The following ZNF729 variants were observed in gnomAD, a reference collection of about 807,000 sequenced individuals.
ZNF729 encodes zinc finger protein 729.
In ZNF729, 15 loss-of-function variants were observed where a neutral mutation model predicts 12.2. The ratio of observed to expected loss-of-function variants is 1.23; its 90% CI spans 0.82 to 1.89. ZNF729 has a LOEUF of 1.89. ZNF729 is among the 40% of genes most tolerant of loss of function. The pLI is 0.00. For synonymous variants in ZNF729, 492 were observed against 476.3 expected (o/e 1.03, Z -0.43); for missense variants, 1,540 against 1,456.7 (o/e 1.06, Z -0.93).
Position 22,314,055 on chromosome 19 carries a change from G to A in ZNF729, c.638G>A (p.Arg213His), listed in dbSNP as rs1001979167. 9.1e-6 allele frequency: 14 copies of A among 1,542,694 alleles called. No homozygotes were observed. The highest frequency in any genetic ancestry group is 1.7e-4 in the Middle Eastern group (1 of 5,958). The change falls in exon 4 of 4, where the codon CGT (arginine) becomes CAT (histidine). Residue 213 changes from arginine (R) to histidine (H), a missense_variant. Arg to His is a conservative substitution (Grantham distance 29, BLOSUM62 0). Transcript: ENST00000601693. Reference protein sequence around the residue: ...IRQNIYKCEERGKAFKSFSTL... With the variant: ...IRQNIYKCEEHGKAFKSFSTL... The stretch of plus-strand genomic sequence containing the variant: ...CAGAATATCTACAAATGTGAAGAAC[G>A]TGGCAAAGCCTTTAAATCGTTCTCA...
chr19:22,310,345 G>A (rs554530304), intron 3 of ZNF729, among the ~76,000 whole-genome samples: 10 of 152,078 alleles, frequency 6.6e-5, no homozygotes, highest in Non-Finnish European at 1.3e-4. Flanking sequence ...GTTTGTCATA[G>A]ATGGCTTTTA....
chr19:22,314,303 G>A lies in ZNF729; in HGVS notation c.886G>A (p.Glu296Lys). The part of the protein sequence containing the change: ...HTGEKTYKCE[E>K]CGKAFKGSSN... ...TGGAGAGAAAACCTACAAATGTGAA[G>A]AATGTGGCAAAGCTTTTAAGGGGTC... The change falls in exon 4 of 4, where the codon GAA (glutamate) becomes AAA (lysine). Residue 296 changes from glutamate (E) to lysine (K), a missense_variant. Coordinates refer to ENST00000601693, the MANE Select transcript of ZNF729 (RefSeq NM_001242680.2). 6.2e-7 allele frequency: 1 copy of A among 1,610,644 alleles called. No homozygotes were observed.
rs1968348608 is a variant in ZNF729 at position 22,304,022 on chromosome 19, A to G, written c.157+138A>G. 16 of 794,808 alleles carry G rather than the reference A, an allele frequency of 2.0e-5. No homozygotes were observed. In the South Asian group the frequency reaches 3.2e-4, roughly 16 times the overall value. 49.2% of individuals were successfully genotyped at this position (794,808 alleles called of 1,614,324 possible). ...TGTTTTCTGGAAACAGGGATTTATAAGTGTAGAAAGGAATTTTTTTTTTTT... is the reference window on the plus strand; with the variant it reads ...TGTTTTCTGGAAACAGGGATTTATAGGTGTAGAAAGGAATTTTTTTTTTTT... On this transcript the variant is annotated intron_variant, in intron 2 of 3. Transcript: ENST00000601693.
Position 22,315,055 on chromosome 19 carries a change from T to A in ZNF729, c.1638T>A (p.Cys546Ter). ...IIHTGEKPYK[C>*]EECGKAFKWS... The stretch of plus-strand genomic sequence containing the variant: ...ATACTGGAGAGAAACCCTACAAATG[T>A]GAAGAATGTGGTAAAGCTTTTAAGT... The change falls in exon 4 of 4, where the codon TGT becomes TGA. Residue 546 changes from cysteine to a stop codon, truncating the protein, a stop_gained. Coordinates refer to ENST00000601693, the MANE Select transcript of ZNF729 (RefSeq NM_001242680.2). LOFTEE classifies it low-confidence loss of function (END_TRUNC). 2.5e-6 allele frequency: 4 copies of A among 1,611,362 alleles called. No homozygotes were observed. Among genetic ancestry groups the A allele is most frequent in the Non-Finnish European group, 3.4e-6 (4 of 1,179,750 alleles).
At position 22,315,888 on chromosome 19, in the gene ZNF729, G is replaced by T; in HGVS notation, c.2471G>T (p.Cys824Phe). ...GTAATTCATACTGGAGAGAAACCCT[G>T]CAAATGTGAAGAATGTGGCAAAGCT... Reference protein sequence around the residue: ...HKVIHTGEKPCKCEECGKAFK... With the variant: ...HKVIHTGEKPFKCEECGKAFK... The change falls in exon 4 of 4, where the codon TGC (cysteine) becomes TTC (phenylalanine). Residue 824 changes from cysteine to phenylalanine, a missense_variant. By Grantham distance (205) the Cys-to-Phe change is radical. Transcript: ENST00000601693. 1 of 1,605,014 alleles carries T rather than the reference G, an allele frequency of 6.2e-7. No individual in the cohort carries two copies. The highest frequency in any genetic ancestry group is 8.5e-7 in the Non-Finnish European group (1 of 1,177,308).
At chr19:22,297,119 G>A (rs1235681448) in intron 1 of ZNF729, among the ~76,000 whole-genome samples, 1 of 152,082 alleles carries the variant, frequency 6.6e-6, no homozygotes, top group Admixed American at 6.6e-5. Context: ...CTGAATTTAG[G>A]TTTAAATATT....
intron 3 of ZNF729, among the ~76,000 whole-genome samples, chr19:22,310,243 G>A (rs1293413270): frequency 6.6e-6 from 1 of 151,956 alleles, no homozygotes; most frequent in African/African-American, 2.4e-5. Flanking sequence ...GTACTGTGTT[G>A]AAGAAGCATG....
rs563599312 is a variant in ZNF729 at position 22,304,011 on chromosome 19, A to G, written c.157+127A>G. 13 of 897,950 alleles carry G rather than the reference A, an allele frequency of 1.4e-5. No homozygotes were observed. The African/African-American group carries it at 2.2e-4, about 15-fold the overall frequency. The allele number at this position is 897,950 out of a possible 1,614,324, so 55.6% of individuals were successfully genotyped here. A position where few individuals can be genotyped will look rare whatever the true frequency, so the allele number is the denominator to read the frequency against. On this transcript the variant is annotated intron_variant, in intron 2 of 3. Transcript: ENST00000601693. ...TTTCACATCCCTGTTTTCTGGAAAC[A>G]GGGATTTATAAGTGTAGAAAGGAAT...
rs1390684227 is a variant in ZNF729 at position 22,309,880 on chromosome 19, CT to C, written c.254-3787del. Among the ~76,000 whole-genome samples the C allele has an allele frequency of 2.0e-5, 3 of 151,512 alleles. No homozygotes were observed. The East Asian group carries it at 5.8e-4, about 29-fold the overall frequency. On this transcript the variant is annotated intron_variant, in intron 3 of 3. Coordinates refer to ENST00000601693, the MANE Select transcript of ZNF729 (RefSeq NM_001242680.2). ...CATTTGTTTGTGTCATCTGTGGTTT[CT>C]TTTAGCAGTGTTTCATAGTTTTCCT...
At chr19:22,311,368 T>C (rs563589907) in intron 3 of ZNF729, among the ~76,000 whole-genome samples, 4 of 152,286 alleles carry the variant, frequency 2.6e-5, no homozygotes, top group Non-Finnish European at 4.4e-5. Flanking sequence ...TGCTGTATCC[T>C]AGAGGTTTTA....
At chr19:22,296,750 C>T (rs1356722484) in intron 1 of ZNF729, among the ~76,000 whole-genome samples, 2 of 151,996 alleles carry the variant, frequency 1.3e-5, no homozygotes, top group African/African-American at 2.4e-5. Context: ...CTATTAATTT[C>T]CCTGTTAACA....
chr19:22,295,307 TTA>T (rs1288149938), intron 1 of ZNF729, among the ~76,000 whole-genome samples: 1 of 150,376 alleles, frequency 6.6e-6, no homozygotes, highest in Non-Finnish European at 1.5e-5. Context: ...GCCTTTCATT[TTA>T]TCTCTTGTCT....
intron 3 of ZNF729, among the ~76,000 whole-genome samples, chr19:22,305,163 C>G (rs555195173): frequency 6.6e-6 from 1 of 152,220 alleles, no homozygotes; most frequent in East Asian, 1.9e-4. Context: ...TGTCTTTTAC[C>G]GTGTGATATG....
At chr19:22,294,635 CTTTTTTTTTTTTTTTCTTTTTCTTT>C (rs1015035553) in intron 1 of ZNF729, among the ~76,000 whole-genome samples, 2 of 121,704 alleles carry the variant, frequency 1.6e-5, no homozygotes, top group Non-Finnish European at 3.6e-5. Flanking sequence ...TTATCTCGGA[CTTTTTTTTTTTTTTTCTTTTTCTTT>C]TTTTTTTTTT....
At chr19:22,308,502 T>A (rs1034692870) in intron 3 of ZNF729, among the ~76,000 whole-genome samples, 6 of 152,082 alleles carry the variant, frequency 3.9e-5, no homozygotes, top group African/African-American at 1.4e-4. Flanking sequence ...GTAGAAGTGT[T>A]CCCTGATCAC....
At chr19:22,313,643 A>G in intron 3 of ZNF729, 28 bp from the exon 4 acceptor site, 1 of 1,431,364 alleles carries the variant, frequency 7.0e-7, no homozygotes, top group Non-Finnish European at 9.1e-7. Context: ...TAGCAAGTGG[A>G]ATAATTTGTT....
chr19:22,315,062 T>C lies in ZNF729; in HGVS notation c.1645T>C (p.Cys549Arg), dbSNP rs753133698. 32 of 1,611,256 alleles carry C rather than the reference T, an allele frequency of 2.0e-5. No individual in the cohort carries two copies. Among genetic ancestry groups the C allele is most frequent in the Non-Finnish European group, 2.7e-5 (32 of 1,179,754 alleles). Residue 549 changes from cysteine to arginine, a missense_variant, in exon 4 of 4, where the codon TGT (cysteine) becomes CGT (arginine). Coordinates refer to ENST00000601693, the MANE Select transcript of ZNF729 (RefSeq NM_001242680.2). The stretch of plus-strand genomic sequence containing the variant: ...AGAGAAACCCTACAAATGTGAAGAA[T>C]GTGGTAAAGCTTTTAAGTGGTCATC... ...TGEKPYKCEE[C>R]GKAFKWSSKL... is the part of the protein sequence containing the mutation.
chr19:22,292,622 G>A (rs1035284387), intron 1 of ZNF729, among the ~76,000 whole-genome samples: 3 of 151,988 alleles, frequency 2.0e-5, no homozygotes, highest in Admixed American at 2.0e-4. Flanking sequence ...TGTATTTTTT[G>A]TTGAGATGGG....
intron 3 of ZNF729, among the ~76,000 whole-genome samples, chr19:22,310,048 T>A (rs1365011898): frequency 6.6e-6 from 1 of 152,154 alleles, no homozygotes; most frequent in African/African-American, 2.4e-5. Context: ...GCTACTGATT[T>A]GTATACATTA....
Sources: gnomAD v4.1 joint callset for allele counts (sites outside exome capture counted in the v4.1 genomes callset) on GRCh38, gnomAD v4.1.1 for gene constraint, MANE v1.5 for transcripts, NCBI Gene and HGNC (gene_info 2026-07-23, HGNC 2026-07-21) for gene names.